The following TNNT1 variants were observed in gnomAD, a reference collection of about 807,000 sequenced individuals.
TNNT1 encodes the protein troponin T, slow skeletal muscle.
A neutral mutation model predicts 50.6 loss-of-function variants in TNNT1; 53 were observed. That is an observed-to-expected ratio of 1.05 (90% CI 0.84 to 1.32). The LOEUF (loss-of-function observed/expected upper bound fraction) is 1.32, where lower values mean the gene tolerates loss of function less well. Ranked by LOEUF, TNNT1 falls within the 40% of genes most tolerant of loss-of-function variation. The probability of loss-of-function intolerance (pLI) is 0.00; values close to 1 mark genes in which losing one functional copy is unlikely to be tolerated. For synonymous variants in TNNT1, 142 were observed against 138.0 expected (o/e 1.03, Z -0.20); for missense variants, 348 against 381.7 (o/e 0.91, Z 0.74).
intron 1 of TNNT1, among the ~76,000 whole-genome samples, chr19:55,148,463 A>G (rs1328762423): frequency 6.6e-6 from 1 of 151,814 alleles, no homozygotes; most frequent in African/African-American, 2.4e-5. Flanking sequence ...CCCAAATCCC[A>G]ATACCCACAG....
intron 6 of TNNT1, among the ~76,000 whole-genome samples, chr19:55,142,896 G>C (rs1375551692): frequency 2.0e-5 from 3 of 151,262 alleles, no homozygotes; most frequent in African/African-American, 4.8e-5. Context: ...GGGCGCGGTG[G>C]CTCACGCCTG....
chr19:55,134,084 C>A lies in TNNT1; in HGVS notation c.732G>T (p.Leu244=). ...GTCTCACCTCATATTTCTGCTGTTTCAGCTTCGCCATCAGGTCGAACTTCT... is the reference window on the plus strand; with the variant it reads ...GTCTCACCTCATATTTCTGCTGTTTAAGCTTCGCCATCAGGTCGAACTTCT... ...ESEKFDLMAK[L]KQQKYEINVL... The change falls in exon 12 of 14, where the codon CTG becomes CTT. Residue 244 remains leucine (L), a synonymous_variant. Transcript: ENST00000588981. 1.2e-6 allele frequency: 2 copies of A among 1,612,966 alleles called. No homozygotes were observed. Among genetic ancestry groups the A allele is most frequent in the Non-Finnish European group, 1.7e-6 (2 of 1,179,828 alleles).
intron 1 of TNNT1, among the ~76,000 whole-genome samples, chr19:55,148,741 C>T (rs75347327): frequency 0.011 from 1,716 of 152,010 alleles, 40 homozygotes; most frequent in East Asian, 0.074. Context: ...TCTCAGATTC[C>T]GAGCCCTCCA....
At position 55,132,877 on chromosome 19, in the gene TNNT1, C is replaced by T; in HGVS notation, c.*38G>A. ...TCAAGCTACCGATGGGACAAACACT[C>T]CCAGGCTTCCCAGGTGCCACTGTCC... On this transcript the variant is annotated 3_prime_UTR_variant, in exon 14 of 14. Coordinates refer to ENST00000588981, the MANE Select transcript of TNNT1 (RefSeq NM_003283.6). The T allele has an allele frequency of 1.3e-6, 2 of 1,583,514 alleles. No individual in the cohort carries two copies. The highest frequency in any genetic ancestry group is 1.7e-6 in the Non-Finnish European group (2 of 1,165,228).
At chr19:55,148,419 T>A (rs1186789512) in intron 1 of TNNT1, among the ~76,000 whole-genome samples, 1 of 152,008 alleles carries the variant, frequency 6.6e-6, no homozygotes, top group African/African-American at 2.4e-5. Flanking sequence ...GACCTCAAAG[T>A]CTTTGAGACA....
chr19:55,137,931 C>T, intron 10 of TNNT1, 30 bp downstream of exon 10: 2 of 1,614,116 alleles, frequency 1.2e-6, no homozygotes, highest in Non-Finnish European at 1.7e-6. Flanking sequence ...CCTCAGAACT[C>T]AGACCTCAGG....
intron 6 of TNNT1, among the ~76,000 whole-genome samples, chr19:55,145,059 C>A (rs574383022): frequency 6.7e-6 from 1 of 149,466 alleles, no homozygotes; most frequent in Non-Finnish European, 1.5e-5. Context: ...TTTGGGAGGC[C>A]AAGGTGGGAG....
chr19:55,149,116 A>G (rs1484116132), intron 1 of TNNT1, 45 bp downstream of exon 1: 1 of 455,510 alleles, frequency 2.2e-6, no homozygotes, highest in African/African-American at 2.0e-5. Flanking sequence ...CCCTCCCCCA[A>G]GGACATGGTT....
Position 55,138,088 on chromosome 19 carries a change from G to C in TNNT1, c.388-14C>G, listed in dbSNP as rs1568839375. 2 of 1,614,070 alleles carry C rather than the reference G, an allele frequency of 1.2e-6. No individual in the cohort carries two copies. Among genetic ancestry groups the C allele is most frequent in the Non-Finnish European group, 1.7e-6 (2 of 1,179,984 alleles). On this transcript the variant is annotated splice_polypyrimidine_tract_variant and intron_variant, in intron 9 of 13. Transcript: ENST00000588981. ...CATCTTCTCCTCCTGTGGGAAGTAA[G>C]GGGTTAACCTCATGGACTCCCCTGT...
chr19:55,146,291 CAG>C, intron 5 of TNNT1, 141 bp downstream of exon 5: 1 of 490,194 alleles, frequency 2.0e-6, no homozygotes, highest in Non-Finnish European at 3.3e-6. Flanking sequence ...CAGGAGCTCT[CAG>C]GGGCTTAAAG....
Position 55,146,991 on chromosome 19 carries a change from G to C in TNNT1, c.46+17C>G. The C allele has an allele frequency of 6.2e-7, 1 of 1,603,132 alleles. No individual in the cohort carries two copies. The highest frequency in any genetic ancestry group is 8.5e-7 in the Non-Finnish European group (1 of 1,174,902). ...GGCGTGTCCCCATCCCATAGGGCCG[G>C]CCCACTCCCTACTCACCTTCCGGCT... On this transcript the variant is annotated intron_variant, in intron 3 of 13. Transcript: ENST00000588981.
At chr19:55,147,683 CTGGACTCCTGGATCTGAGGGAGGAGGG>C (rs2085600891) in intron 1 of TNNT1, among the ~76,000 whole-genome samples, 7 of 90,478 alleles carry the variant, frequency 7.7e-5, no homozygotes, top group Non-Finnish European at 1.1e-4. Flanking sequence ...GGGCTGGGGT[CTGGACTCCTGGATCTGAGGGAGGAGGG>C]GCCAGGGGCC....
At chr19:55,141,323 C>T in intron 7 of TNNT1, 21 bp from the exon 8 acceptor site, 1 of 1,602,392 alleles carries the variant, frequency 6.2e-7, no homozygotes, top group South Asian at 1.1e-5. Context: ...CACGGGCAGC[C>T]CGTCCTAGGA....
At chr19:55,137,887 T>C in intron 10 of TNNT1, 74 bp downstream of exon 10, 1 of 1,574,390 alleles carries the variant, frequency 6.4e-7, no homozygotes, top group Non-Finnish European at 8.7e-7. Context: ...CCTCCTCCGT[T>C]AGGAACCAGA....
chr19:55,146,605 C>T (rs1333204001), intron 4 of TNNT1, 76 bp downstream of exon 4: 1 of 1,187,738 alleles, frequency 8.4e-7, no homozygotes, highest in Non-Finnish European at 1.1e-6. Flanking sequence ...GAGCCCCATC[C>T]CGCCCCCTCC....
chr19:55,142,711 G>T (rs1193751834), intron 6 of TNNT1, among the ~76,000 whole-genome samples: 1 of 151,096 alleles, frequency 6.6e-6, no homozygotes, highest in African/African-American at 2.4e-5. Context: ...CCACGCCTGG[G>T]TAATTTTTGT....
intron 13 of TNNT1, chr19:55,133,507 G>C (rs949697957): frequency 6.3e-5 from 21 of 334,394 alleles, no homozygotes; most frequent in African/African-American, 4.3e-4. Context: ...GTGAAACCCC[G>C]TCTCTACTAA....
chr19:55,137,858 A>G lies in TNNT1; in HGVS notation c.501+103T>C, dbSNP rs2085381489. On this transcript the variant is annotated intron_variant, in intron 10 of 13. Coordinates refer to ENST00000588981, the MANE Select transcript of TNNT1 (RefSeq NM_003283.6). Reference sequence around the variant, plus strand: ...GCCCAGCCCCTCCTCCCTCAGACCCAGGAATCCAGGCCTCAGCCCCTCCTC... The same window carrying G: ...GCCCAGCCCCTCCTCCCTCAGACCCGGGAATCCAGGCCTCAGCCCCTCCTC... 2.1e-6 allele frequency: 3 copies of G among 1,424,222 alleles called. 1 individual carries two copies. In the South Asian group the frequency reaches 3.5e-5, roughly 16 times the overall value. 88.2% of individuals were successfully genotyped at this position (1,424,222 alleles called of 1,614,324 possible). A position where few individuals can be genotyped will look rare whatever the true frequency, so the allele number is the denominator to read the frequency against.
chr19:55,144,170 C>T lies in TNNT1; in HGVS notation c.128+1374G>A, dbSNP rs2085507538. Among the ~76,000 whole-genome samples, 3 of 150,064 alleles carry T rather than the reference C, an allele frequency of 2.0e-5. No individual in the cohort carries two copies. The Admixed American group carries it at 2.0e-4, about 10-fold the overall frequency. On this transcript the variant is annotated intron_variant, in intron 6 of 13. Coordinates refer to ENST00000588981, the MANE Select transcript of TNNT1 (RefSeq NM_003283.6). ...TGCAACCTCTGCCTCCCGGTTCAAG[C>T]GATTCTCCTGCCTCAGCCTCCCAAA...
Sources: gnomAD v4.1 joint callset for allele counts (sites outside exome capture counted in the v4.1 genomes callset) on GRCh38, gnomAD v4.1.1 for gene constraint, MANE v1.5 for transcripts, NCBI Gene and HGNC (gene_info 2026-07-23, HGNC 2026-07-21) for gene names.